Variants in AGBL4 observed in about 807,000 individuals in gnomAD.
AGBL4 encodes the protein cytosolic carboxypeptidase 6.
In AGBL4, 58 loss-of-function variants were observed where a neutral mutation model predicts 66.4. The observed-to-expected ratio is 0.87, with a 90% confidence interval of 0.71 to 1.09. The LOEUF is 1.09. Among genes scored for constraint, AGBL4 ranks in the 50% least tolerant of loss-of-function variants. The pLI is 0.00. For missense variants in AGBL4, 579 were observed against 631.0 expected (o/e 0.92, Z 0.88); for synonymous variants, 234 against 222.9 (o/e 1.05, Z -0.44).
intron 2 of AGBL4, among the ~76,000 whole-genome samples, chr1:49,799,551 G>A (rs1380430554): frequency 6.6e-6 from 1 of 152,126 alleles, no homozygotes; most frequent in Non-Finnish European, 1.5e-5. Flanking sequence ...TTGTTTATAG[G>A]AAGTGAGGGA....
chr1:48,864,025 G>A (rs929553178), intron 6 of AGBL4, among the ~76,000 whole-genome samples: 2 of 152,008 alleles, frequency 1.3e-5, no homozygotes, highest in Non-Finnish European at 2.9e-5. Flanking sequence ...CATAGTCTGG[G>A]AGAAGACGTT....
chr1:48,768,497 A>AAGG (rs1197657806), intron 6 of AGBL4, among the ~76,000 whole-genome samples: 1 of 152,202 alleles, frequency 6.6e-6, no homozygotes, highest in Admixed American at 6.5e-5. Context: ...CTGGGGAAAA[A>AAGG]AGGAAGCATG....
At chr1:48,684,429 C>T (rs551244401) in intron 6 of AGBL4, among the ~76,000 whole-genome samples, 2 of 152,336 alleles carry the variant, frequency 1.3e-5, no homozygotes, top group East Asian at 1.9e-4. Context: ...TGAGTTCTGA[C>T]CCCAGACTCA....
intron 11 of AGBL4, among the ~76,000 whole-genome samples, chr1:48,540,818 C>T (rs12060146): frequency 0.08 from 12,222 of 152,174 alleles, 564 homozygotes; most frequent in South Asian, 0.11. Flanking sequence ...AGGCCAGCAT[C>T]ATCTTTCTCC....
At chr1:49,792,718 G>C (rs1023206867) in intron 2 of AGBL4, among the ~76,000 whole-genome samples, 9 of 151,950 alleles carry the variant, frequency 5.9e-5, no homozygotes, top group African/African-American at 2.2e-4. Context: ...TGGTCTCCAA[G>C]ATGCAACCCT....
At chr1:49,103,121 C>T (rs183703114) in intron 4 of AGBL4, among the ~76,000 whole-genome samples, 3 of 152,302 alleles carry the variant, frequency 2.0e-5, no homozygotes, top group African/African-American at 4.8e-5. Flanking sequence ...CAATCTCCCT[C>T]AGCATTTTCA....
intron 4 of AGBL4, among the ~76,000 whole-genome samples, chr1:49,151,268 C>CAAAA (rs1206937422): frequency 1.6e-5 from 2 of 126,874 alleles, no homozygotes; most frequent in Non-Finnish European, 3.3e-5. Context: ...GACTCCGTCT[C>CAAAA]AAAAAAAAAA....
intron 5 of AGBL4, among the ~76,000 whole-genome samples, chr1:48,899,594 C>T (rs1415295066): frequency 1.3e-5 from 2 of 152,076 alleles, no homozygotes; most frequent in East Asian, 3.9e-4. Flanking sequence ...AGTAGAGAAA[C>T]CTGGATCTGG....
intron 2 of AGBL4, among the ~76,000 whole-genome samples, chr1:49,726,841 G>A (rs768520289): frequency 6.6e-6 from 1 of 152,086 alleles, no homozygotes; most frequent in Non-Finnish European, 1.5e-5. Context: ...ACACATGGAG[G>A]AGGAATATGG....
At chr1:49,382,307 A>C (rs1260383106) in intron 3 of AGBL4, among the ~76,000 whole-genome samples, 1 of 152,214 alleles carries the variant, frequency 6.6e-6, no homozygotes, top group Admixed American at 6.5e-5. Context: ...TACCAAATGC[A>C]CATTATAAGT....
intron 3 of AGBL4, among the ~76,000 whole-genome samples, chr1:49,622,966 A>G (rs1645396253): frequency 6.6e-6 from 1 of 152,048 alleles, no homozygotes; most frequent in South Asian, 2.1e-4. Flanking sequence ...TCCCCACTCA[A>G]TTCCTCTGCA....
chr1:48,593,204 A>C (rs1644943634), intron 9 of AGBL4, among the ~76,000 whole-genome samples: 1 of 151,844 alleles, frequency 6.6e-6, no homozygotes, highest in African/African-American at 2.4e-5. Context: ...TCACACCCAA[A>C]CCCCCTGCTC....
intron 3 of AGBL4, among the ~76,000 whole-genome samples, chr1:49,681,451 T>A (rs1309122165): frequency 6.6e-6 from 1 of 152,164 alleles, no homozygotes; most frequent in Non-Finnish European, 1.5e-5. Flanking sequence ...ATCAGAAGGA[T>A]GAAGGGACCA....
intron 3 of AGBL4, among the ~76,000 whole-genome samples, chr1:49,251,021 T>C (rs1347716496): frequency 6.6e-6 from 1 of 152,150 alleles, no homozygotes; most frequent in Non-Finnish European, 1.5e-5. Context: ...GACCTGATCT[T>C]TGCAGGACAG....
At chr1:49,187,157 G>T (rs1647030735) in intron 4 of AGBL4, 1 of 152,006 alleles carries the variant, frequency 6.6e-6, no homozygotes. Flanking sequence ...GCCTTTTTGG[G>T]GCTTTATTAG....
intron 4 of AGBL4, among the ~76,000 whole-genome samples, chr1:49,234,965 T>C (rs1650603689): frequency 6.6e-6 from 1 of 152,220 alleles, no homozygotes; most frequent in Non-Finnish European, 1.5e-5. Context: ...GATTTTTCTG[T>C]CTCTTAGAGC....
At chr1:49,094,627 G>A (rs941014380) in intron 4 of AGBL4, among the ~76,000 whole-genome samples, 1 of 151,896 alleles carries the variant, frequency 6.6e-6, no homozygotes, top group Non-Finnish European at 1.5e-5. Flanking sequence ...ATGTTCATCA[G>A]GGATATTGGT....
At chr1:49,559,662 C>CTTGAA (rs1643986769) in intron 3 of AGBL4, among the ~76,000 whole-genome samples, 1 of 152,122 alleles carries the variant, frequency 6.6e-6, no homozygotes, top group South Asian at 2.1e-4. Flanking sequence ...GCTTCCTGCC[C>CTTGAA]TTGAACATCA....
chr1:49,354,199 C>G (rs1214613579), intron 3 of AGBL4, among the ~76,000 whole-genome samples: 1 of 152,224 alleles, frequency 6.6e-6, no homozygotes, highest in Non-Finnish European at 1.5e-5. Flanking sequence ...GGCTCCCCAT[C>G]CAGTAAGGGG....
Sources: allele counts gnomAD v4.1 joint callset (sites outside exome capture counted in the v4.1 genomes callset), GRCh38; gene constraint gnomAD v4.1.1; transcripts MANE v1.5; gene names NCBI Gene and HGNC (gene_info 2026-07-23, HGNC 2026-07-21).